The following GABRA3 variants were observed in gnomAD, a reference collection of about 807,000 sequenced individuals.
The protein encoded by GABRA3 is gamma-aminobutyric acid type A receptor subunit alpha3.
GABRA3 carries 10 observed loss-of-function variants against 30.1 expected under a neutral mutation model. That is an observed-to-expected ratio of 0.33 (90% CI 0.20 to 0.56). The LOEUF (loss-of-function observed/expected upper bound fraction) is 0.56, where lower values mean the gene tolerates loss of function less well. GABRA3 is among the 20% of genes least tolerant of loss of function. GABRA3 has a pLI of 0.89. For synonymous variants in GABRA3, 151 were observed against 146.8 expected, an observed-to-expected ratio of 1.03 and a Z score of -0.21; for missense variants, 233 against 392.0, an observed-to-expected ratio of 0.59 and a Z score of 3.42.
intron 2 of GABRA3, among the ~76,000 whole-genome samples, chrX:152,354,645 T>C (rs1352888330): frequency 9.0e-6 from 1 of 111,418 alleles, no homozygotes; most frequent in Non-Finnish European, 1.9e-5. Flanking sequence ...CAGGGCCCTA[T>C]AACTAGGAGG....
At chrX:152,211,431 T>G (rs945891014) in intron 6 of GABRA3, among the ~76,000 whole-genome samples, 28 of 110,921 alleles carry the variant, frequency 2.5e-4, no homozygotes, top group African/African-American at 8.5e-4. Context: ...TTAATTTCTT[T>G]GGCAATAATA....
intron 3 of GABRA3, among the ~76,000 whole-genome samples, chrX:152,333,307 T>C (rs1262064048): frequency 8.9e-6 from 1 of 111,966 alleles, no homozygotes; most frequent in Non-Finnish European, 1.9e-5. Context: ...CTTGCAGTGC[T>C]TATGAAACAC....
At chrX:152,266,623 T>C (rs1275430139) in intron 4 of GABRA3, among the ~76,000 whole-genome samples, 1 of 111,766 alleles carries the variant, frequency 8.9e-6, no homozygotes, top group Non-Finnish European at 1.9e-5. Flanking sequence ...GGTTTTCTCA[T>C]GGCTGAATCA....
chrX:152,243,255 A>G (rs1409676112), intron 5 of GABRA3, among the ~76,000 whole-genome samples: 1 of 111,850 alleles, frequency 8.9e-6, no homozygotes, highest in East Asian at 2.8e-4. Flanking sequence ...GGAAAAATAA[A>G]TTCAAGAGAT....
intron 1 of GABRA3, among the ~76,000 whole-genome samples, chrX:152,404,673 G>A (rs1188549897): frequency 9.1e-6 from 1 of 109,307 alleles, no homozygotes; most frequent in Non-Finnish European, 1.9e-5. Flanking sequence ...CAGAGGCTGA[G>A]TGAGGAGTCT....
At chrX:152,444,953 T>A (rs1199263468) in intron 1 of GABRA3, among the ~76,000 whole-genome samples, 2 of 85,163 alleles carry the variant, frequency 2.3e-5, no homozygotes, top group Admixed American at 2.8e-4. Context: ...CCCAGCTACT[T>A]GGGAGGCTGA....
At chrX:152,254,697 T>C (rs1453593710) in intron 5 of GABRA3, among the ~76,000 whole-genome samples, 1 of 111,944 alleles carries the variant, frequency 8.9e-6, no homozygotes, top group Non-Finnish European at 1.9e-5. Context: ...TTTGAAGTAA[T>C]GAGAGATTAG....
At chrX:152,203,834 C>A (rs982390889) in intron 7 of GABRA3, among the ~76,000 whole-genome samples, 1 of 111,524 alleles carries the variant, frequency 9.0e-6, no homozygotes, top group African/African-American at 3.3e-5. Flanking sequence ...CTTGAATAAT[C>A]CAGAATAATC....
intron 4 of GABRA3, among the ~76,000 whole-genome samples, chrX:152,256,296 C>T (rs181108626): frequency 1.6e-3 from 181 of 111,274 alleles, no homozygotes; most frequent in African/African-American, 5.7e-3. Context: ...AAGGCAAGTG[C>T]TCCCTCCTGT....
intron 3 of GABRA3, among the ~76,000 whole-genome samples, chrX:152,300,293 C>T (rs1939607554): frequency 9.0e-6 from 1 of 111,438 alleles, no homozygotes; most frequent in African/African-American, 3.3e-5. Flanking sequence ...GTGAAAGAAA[C>T]CAAACATAGC....
Position 152,188,496 on chromosome X carries a change from G to C in GABRA3, c.1143+1234C>G, listed in dbSNP as rs370673874. Among the ~76,000 whole-genome samples, 35 of 110,437 alleles carry C rather than the reference G, an allele frequency of 3.2e-4. 1 individual carries two copies. Among genetic ancestry groups the C allele is most frequent in the Admixed American group, 1.8e-3 (18 of 10,275 alleles). On this transcript the variant is annotated intron_variant, in intron 9 of 9. Transcript: ENST00000370314. ...GTACTGATTTCCTTATATTCTTCCT[G>C]GGTGGGGGGCTAACAGACCCTGTTC...
intron 1 of GABRA3, among the ~76,000 whole-genome samples, chrX:152,421,645 T>A (rs1930376396): frequency 9.0e-6 from 1 of 111,408 alleles, no homozygotes; most frequent in Admixed American, 9.6e-5. Flanking sequence ...ATACATATAT[T>A]TGACAGAGGA....
intron 1 of GABRA3, among the ~76,000 whole-genome samples, chrX:152,374,915 T>A (rs1195392239): frequency 1.8e-5 from 2 of 111,583 alleles, no homozygotes; most frequent in African/African-American, 3.3e-5. Context: ...ACATTGCTTG[T>A]TTTTGTCAAG....
chrX:152,283,038 G>A (rs1256528067), intron 4 of GABRA3, among the ~76,000 whole-genome samples: 1 of 111,458 alleles, frequency 9.0e-6, no homozygotes, highest in African/African-American at 3.3e-5. Flanking sequence ...TCTCTGATGG[G>A]CTGTGAGATC....
chrX:152,185,640 C>T (rs923945375), intron 9 of GABRA3, among the ~76,000 whole-genome samples: 3 of 111,559 alleles, frequency 2.7e-5, no homozygotes, highest in African/African-American at 9.8e-5. Flanking sequence ...CAAACTGGAA[C>T]AGTGTACTCT....
intron 4 of GABRA3, among the ~76,000 whole-genome samples, chrX:152,281,600 T>C (rs1422639755): frequency 1.8e-5 from 2 of 112,074 alleles, no homozygotes; most frequent in Admixed American, 9.5e-5. Flanking sequence ...CTTTCATCTT[T>C]GCTCAGTTCC....
At chrX:152,393,663 G>A (rs761990991) in intron 1 of GABRA3, 2 of 226,257 alleles carry the variant, frequency 8.8e-6, no homozygotes, top group Admixed American at 1.5e-4. Flanking sequence ...TGCTGGAGGA[G>A]ATATCATGGC....
At position 152,316,992 on chromosome X, in the gene GABRA3, G is replaced by C. The variant is rs376183762; in HGVS notation, c.262+28589C>G. Among the ~76,000 whole-genome samples the C allele has an allele frequency of 4.5e-5, 5 of 111,763 alleles. No homozygotes were observed. The East Asian group carries it at 8.4e-4, about 19-fold the overall frequency. On this transcript the variant is annotated intron_variant, in intron 3 of 9. Transcript: ENST00000370314. ...CAGGCAACAAATAGCACAATGATTG[G>C]AATAGTAGCTCACATATCAATACTA...
At chrX:152,278,248 A>G (rs1251203606) in intron 4 of GABRA3, among the ~76,000 whole-genome samples, 1 of 105,331 alleles carries the variant, frequency 9.5e-6, no homozygotes, top group Non-Finnish European at 2.0e-5. Flanking sequence ...TCCTAATGCT[A>G]TCCTTCCTTC....
Sources: allele counts gnomAD v4.1 joint callset (sites outside exome capture counted in the v4.1 genomes callset), GRCh38; gene constraint gnomAD v4.1.1; transcripts MANE v1.5; gene names NCBI Gene and HGNC (gene_info 2026-07-23, HGNC 2026-07-21).